Variants in PPL observed in about 807,000 individuals in gnomAD.
The protein encoded by PPL is 190 kDa paraneoplastic pemphigus antigen.
Under a neutral mutation model 194.4 loss-of-function variants are expected in PPL, and 198 were observed. The ratio of observed to expected loss-of-function variants is 1.02; its 90% CI spans 0.91 to 1.15. PPL has a LOEUF of 1.15. Ranked by LOEUF, PPL falls within the 50% of genes most tolerant of loss-of-function variation. PPL has a pLI of 0.00. For missense variants in PPL, 2,885 were observed against 2,294.8 expected (o/e 1.26, Z -5.25); for synonymous variants, 1,220 against 972.4 (o/e 1.25, Z -4.74).
At position 4,889,045 on chromosome 16, in the gene PPL, A is replaced by G. The variant is rs768485635; in HGVS notation, c.2330T>C (p.Ile777Thr). Residue 777 changes from isoleucine (I) to threonine (T), a missense_variant, in exon 19 of 22, where the codon ATA becomes ACA. Coordinates refer to ENST00000345988, the MANE Select transcript of PPL (RefSeq NM_002705.5). ...CTGTACTTCCTGCTCCCTACTTGCT[A>G]TCTCATCTAGCAGGTTCTGTAAGAC... is the stretch of plus-strand genomic sequence containing the variant. Reference protein sequence around the residue: ...LKNQKNLLDEIASREQEVQKI... With the variant: ...LKNQKNLLDETASREQEVQKI... 1.7e-5 allele frequency: 27 copies of G among 1,613,570 alleles called. 1 individual carries two copies. The highest frequency in any genetic ancestry group is 1.1e-4 in the East Asian group (5 of 44,890).
At chr16:4,888,685 C>G (rs1272882464) in intron 19 of PPL, 1 of 444,086 alleles carries the variant, frequency 2.3e-6, no homozygotes, top group Admixed American at 3.7e-5. Context: ...GTAAATAGTG[C>G]TGTTGCAACA....
Position 4,884,833 on chromosome 16 carries a change from C to T in PPL, c.3822G>A (p.Lys1274=), listed in dbSNP as rs868341986. 1 of 1,614,128 alleles carries T rather than the reference C, an allele frequency of 6.2e-7. No homozygotes were observed. The highest frequency in any genetic ancestry group is 2.2e-5 in the East Asian group (1 of 44,880). Residue 1274 remains lysine (K), a synonymous_variant, in exon 22 of 22, where the codon AAG becomes AAA. Transcript: ENST00000345988. This position sits in a 1 kb window ranked among gnomAD's most constrained non-coding sequence, Gnocchi z 5.7. ...TGGTGTCTTTCAGGGCCTGGATTTC[C>T]TTTTTCAGCTGGTAGATCTCTAAAT... ...RCDLEIYQLK[K]EIQALKDTKP...
intron 2 of PPL, 70 bp downstream of exon 2, chr16:4,910,780 A>G: frequency 1.5e-6 from 2 of 1,341,856 alleles, no homozygotes; most frequent in South Asian, 2.3e-5. Flanking sequence ...CCGATTCCAA[A>G]CAGATCCTGG....
At position 4,922,566 on chromosome 16, in the gene PPL, A is replaced by T. The variant is rs186998593; in HGVS notation, c.63-11617T>A. 1.4e-3 allele frequency among the ~76,000 whole-genome samples: 207 copies of T among 152,284 alleles called. 4 individuals carry two copies. The highest frequency in any genetic ancestry group is 0.012 in the Admixed American group (177 of 15,296). On this transcript the variant is annotated intron_variant, in intron 1 of 21. Transcript: ENST00000345988. ...AATCCTAGCTACTGGAGAGACTGAG[A>T]CAGGAGAATCGCTTGAGCCTGGGAG...
At chr16:4,899,425 C>A in intron 6 of PPL, 41 bp from the exon 7 acceptor site, 2 of 1,565,762 alleles carry the variant, frequency 1.3e-6, no homozygotes, top group South Asian at 2.3e-5. Flanking sequence ...GTCCTCAGCC[C>A]GCTGCCACTG....
chr16:4,926,383 A>G (rs1325580339), intron 1 of PPL, among the ~76,000 whole-genome samples: 2 of 152,130 alleles, frequency 1.3e-5, no homozygotes, highest in Non-Finnish European at 2.9e-5. Context: ...CACCATTAAC[A>G]AGCCCCCAGA....
intron 1 of PPL, among the ~76,000 whole-genome samples, chr16:4,927,324 G>A (rs567974054): frequency 2.0e-5 from 3 of 152,166 alleles, no homozygotes; most frequent in Admixed American, 6.5e-5. Flanking sequence ...AAGAGGGAGC[G>A]AGGCAATCCA....
intron 8 of PPL, 119 bp from the exon 9 acceptor site, chr16:4,897,889 G>C: frequency 1.3e-6 from 1 of 771,506 alleles, no homozygotes; most frequent in Non-Finnish European, 2.1e-6. Context: ...CATCTGTCTG[G>C]GTGTGGCTAC....
intron 4 of PPL, among the ~76,000 whole-genome samples, chr16:4,901,682 T>C (rs960140697): frequency 4.1e-5 from 6 of 146,498 alleles, no homozygotes; most frequent in African/African-American, 1.5e-4. Flanking sequence ...GAGTGAGACC[T>C]TGTGTCAAAA....
intron 2 of PPL, among the ~76,000 whole-genome samples, chr16:4,910,411 G>C (rs1425598004): frequency 6.6e-6 from 1 of 152,174 alleles, no homozygotes; most frequent in South Asian, 2.1e-4. Context: ...CTCGTTCATG[G>C]GGAGGTGGGA....
chr16:4,886,282 C>T (rs147957365), intron 21 of PPL, among the ~76,000 whole-genome samples: 1 of 152,294 alleles, frequency 6.6e-6, no homozygotes, highest in African/African-American at 2.4e-5. Context: ...AATGAAACCA[C>T]GGTCTCCCAC....
At chr16:4,935,838 C>T (rs927916482) in intron 1 of PPL, among the ~76,000 whole-genome samples, 1 of 152,180 alleles carries the variant, frequency 6.6e-6, no homozygotes, top group African/African-American at 2.4e-5. Flanking sequence ...TGAGGAGCTG[C>T]TTGAGGGCAC....
At chr16:4,898,432 A>T (rs1319853060) in intron 8 of PPL, among the ~76,000 whole-genome samples, 2 of 152,212 alleles carry the variant, frequency 1.3e-5, no homozygotes, top group African/African-American at 4.8e-5. Flanking sequence ...TTATTTGGGA[A>T]TAAGATCTTT....
chr16:4,890,372 A>C, intron 17 of PPL, 38 bp from the exon 18 acceptor site: 1 of 1,550,690 alleles, frequency 6.4e-7, no homozygotes, highest in Admixed American at 2.1e-5. Flanking sequence ...GCCACAGCAA[A>C]CAGATGCCTC....
intron 1 of PPL, among the ~76,000 whole-genome samples, chr16:4,928,030 C>T (rs1020612058): frequency 2.0e-5 from 3 of 152,240 alleles, no homozygotes; most frequent in African/African-American, 7.2e-5. Context: ...TCATAGCTCA[C>T]TGCAGCTTTG....
rs1369326572 is a variant in PPL, at chr16:4,884,077, C to G, written c.4578G>C (p.Glu1526Asp). The G allele has an allele frequency of 6.2e-7, 1 of 1,613,160 alleles. No homozygotes were observed. The highest frequency in any genetic ancestry group is 1.7e-5 in the Admixed American group (1 of 59,934). The change falls in exon 22 of 22, where the codon GAG becomes GAC. Residue 1526 changes from glutamate to aspartate, a missense_variant. Transcript: ENST00000345988. This position sits in a 1 kb window ranked among gnomAD's most constrained non-coding sequence, Gnocchi z 5.7. Reference sequence around the variant, plus strand: ...CGTCCAGCTCGCGCTTGCTGCGGCTCTCCTCCTCCAGGCTGCTCTTGAGCC... The same window carrying G: ...CGTCCAGCTCGCGCTTGCTGCGGCTGTCCTCCTCCAGGCTGCTCTTGAGCC... ...IQRLKSSLEE[E>D]SRSKRELDVE...
chr16:4,923,254 CT>C (rs2089086734), intron 1 of PPL, among the ~76,000 whole-genome samples: 1 of 152,218 alleles, frequency 6.6e-6, no homozygotes, highest in Non-Finnish European at 1.5e-5. Flanking sequence ...CCATCTGCCC[CT>C]CTGGCCTCAC....
chr16:4,894,538 G>A lies in PPL; in HGVS notation c.1323C>T (p.Asn441=). 6.2e-7 allele frequency: 1 copy of A among 1,613,966 alleles called. No individual in the cohort carries two copies. The part of the protein sequence containing the change: ...ESWELMDSAG[N]KLIAPAVCFV... ...AACACACGGCCGGAGCAATCAGCTT[G>A]TTCCCAGCGCTGTCCATGAGCTCCC... Residue 441 remains asparagine (N), a synonymous_variant, in exon 12 of 22, where the codon AAC becomes AAT. Coordinates refer to ENST00000345988, the MANE Select transcript of PPL (RefSeq NM_002705.5).
rs879503523 is a variant in PPL at position 4,937,143 on chromosome 16, C to A, written c.-98G>T. 8.6e-4 allele frequency: 705 copies of A among 819,328 alleles called. No individual in the cohort carries two copies. Among genetic ancestry groups the A allele is most frequent in the Non-Finnish European group, 1.0e-3 (675 of 669,210 alleles). The allele number at this position is 819,328 out of a possible 1,614,324, so 50.8% of individuals were successfully genotyped here. On this transcript the variant is annotated 5_prime_UTR_variant, in exon 1 of 22. Transcript: ENST00000345988. Reference sequence around the variant, plus strand: ...TGAGCGAGCGGCGGCGCGGGGAGCCCGGACTGCGGCGCGGCAGTGGCTCCG... The same window carrying A: ...TGAGCGAGCGGCGGCGCGGGGAGCCAGGACTGCGGCGCGGCAGTGGCTCCG...
Sources: gnomAD v4.1 joint callset for allele counts (sites outside exome capture counted in the v4.1 genomes callset) on GRCh38, gnomAD v4.1.1 for gene constraint, Gnocchi (gnomAD v3.1) non-coding constraint, MANE v1.5 for transcripts, NCBI Gene and HGNC (gene_info 2026-07-23, HGNC 2026-07-21) for gene names.